ZFPM1: variants seen among roughly 807,000 people sequenced by gnomAD.
ZFPM1 encodes zinc finger protein, FOG family member 1, also known as zinc finger protein ZFPM1.
In ZFPM1, 28 loss-of-function variants were observed where a neutral mutation model predicts 46.3. That is an observed-to-expected ratio of 0.60 (90% CI 0.45 to 0.83). The LOEUF is 0.83. ZFPM1 is among the 40% of genes least tolerant of loss of function. The probability of loss-of-function intolerance (pLI) is 0.00; values close to 1 mark genes in which losing one functional copy is unlikely to be tolerated. For synonymous variants in ZFPM1, 957 were observed against 675.9 expected (o/e 1.42, Z -6.45); for missense variants, 1,878 against 1,432.4 (o/e 1.31, Z -5.02).
At chr16:88,507,312 TC>T (rs955038608) in intron 3 of ZFPM1, among the ~76,000 whole-genome samples, 3 of 152,018 alleles carry the variant, frequency 2.0e-5, no homozygotes, top group African/African-American at 7.2e-5. Flanking sequence ...CAGCACCATG[TC>T]CCCGCCTCCA....
At chr16:88,499,334 TAGAC>T (rs1429549602) in intron 3 of ZFPM1, among the ~76,000 whole-genome samples, 2 of 152,218 alleles carry the variant, frequency 1.3e-5, no homozygotes, top group Non-Finnish European at 2.9e-5. Context: ...AGCCCTGTGA[TAGAC>T]AGGGGGATGC....
chr16:88,520,415 G>A (rs546310742), intron 4 of ZFPM1, among the ~76,000 whole-genome samples: 1 of 150,684 alleles, frequency 6.6e-6, no homozygotes, highest in Admixed American at 6.6e-5. Context: ...AAATGAGTGG[G>A]TGAATGGGTG....
In ZFPM1 at chr16:88,532,945, C is replaced by T; in HGVS notation, c.1189+10C>T. On this transcript the variant is annotated intron_variant, in intron 9 of 9. Transcript: ENST00000319555. ...ACCAAGCTGCCCCCAGGTGAGCAGC[C>T]CTGTGGGGGCCACCCCTGCCCCTTA... is the stretch of plus-strand genomic sequence containing the variant. The T allele has an allele frequency of 1.2e-6, 2 of 1,612,628 alleles. No homozygotes were observed. The highest frequency in any genetic ancestry group is 1.7e-6 in the Non-Finnish European group (2 of 1,179,842).
At chr16:88,502,039 C>T (rs1019863628) in intron 3 of ZFPM1, among the ~76,000 whole-genome samples, 1 of 148,004 alleles carries the variant, frequency 6.8e-6, no homozygotes, top group African/African-American at 2.5e-5. Context: ...TCCTCCACCC[C>T]CGACGCGGCT....
Position 88,470,406 on chromosome 16 carries a change from G to A in ZFPM1, c.41-15533G>A, listed in dbSNP as rs141237472. Among the ~76,000 whole-genome samples, 582 of 152,348 alleles carry A rather than the reference G, an allele frequency of 3.8e-3. 4 individuals are homozygous for A. Among genetic ancestry groups the A allele is most frequent in the African/African-American group, 0.013 (525 of 41,566 alleles). On this transcript the variant is annotated intron_variant, in intron 1 of 9. Transcript: ENST00000319555. The stretch of plus-strand genomic sequence containing the variant: ...TGACCTCATGGAACCCCAGCCTAAC[G>A]AGGGAGAGTGAACACAGGGGTCTGA...
chr16:88,486,473 G>C (rs1055096102), intron 2 of ZFPM1, among the ~76,000 whole-genome samples: 3 of 151,920 alleles, frequency 2.0e-5, no homozygotes, highest in African/African-American at 7.3e-5. Flanking sequence ...CTGGGTGCAA[G>C]TGGGTGCTGG....
At chr16:88,462,323 C>T (rs563916363) in intron 1 of ZFPM1, among the ~76,000 whole-genome samples, 2 of 152,240 alleles carry the variant, frequency 1.3e-5, no homozygotes, top group South Asian at 2.1e-4. Context: ...GAAGTGAGCC[C>T]GGCGTGCTGA....
chr16:88,488,926 T>G, intron 2 of ZFPM1, 105 bp from the exon 3 acceptor site: 1 of 1,486,724 alleles, frequency 6.7e-7, no homozygotes, highest in Non-Finnish European at 9.0e-7. Context: ...GGGCCCGAGC[T>G]CCCCAACCCG....
chr16:88,507,182 A>G (rs1040467642), intron 3 of ZFPM1, among the ~76,000 whole-genome samples: 1 of 152,156 alleles, frequency 6.6e-6, no homozygotes, highest in African/African-American at 2.4e-5. Flanking sequence ...CGACTCTCCC[A>G]TGCCACTTGC....
At position 88,535,103 on chromosome 16, in the gene ZFPM1, G is replaced by T; in HGVS notation, c.*124G>T. On this transcript the variant is annotated 3_prime_UTR_variant, in exon 10 of 10. Transcript: ENST00000319555. Reference sequence around the variant, plus strand: ...CCACGCACAGGCCTCGGCGGAGGGGGCCGCAGGGGGCAGCGCCCGCCTGGA... The same window carrying T: ...CCACGCACAGGCCTCGGCGGAGGGGTCCGCAGGGGGCAGCGCCCGCCTGGA... 8.2e-7 allele frequency: 1 copy of T among 1,216,018 alleles called. No individual in the cohort carries two copies. The highest frequency in any genetic ancestry group is 1.1e-6 in the Non-Finnish European group (1 of 943,470). The allele number at this position is 1,216,018 out of a possible 1,614,324, so 75.3% of individuals were successfully genotyped here. A position where few individuals can be genotyped will look rare whatever the true frequency, so the allele number is the denominator to read the frequency against.
At chr16:88,531,615 G>A (rs181884122) in intron 6 of ZFPM1, among the ~76,000 whole-genome samples, 12 of 152,278 alleles carry the variant, frequency 7.9e-5, no homozygotes, top group East Asian at 5.8e-4. Context: ...GTACACACAC[G>A]TTTCCTCTTC....
chr16:88,520,518 A>G (rs955121847), intron 4 of ZFPM1, among the ~76,000 whole-genome samples: 1 of 143,692 alleles, frequency 7.0e-6, no homozygotes, highest in Non-Finnish European at 1.5e-5. Flanking sequence ...GGATAGATGA[A>G]TGGATGAATG....
At chr16:88,462,391 C>T (rs1172724338) in intron 1 of ZFPM1, among the ~76,000 whole-genome samples, 2 of 152,238 alleles carry the variant, frequency 1.3e-5, no homozygotes, top group Non-Finnish European at 2.9e-5. Flanking sequence ...CTCCAGACAC[C>T]ACTTAGCTTT....
At chr16:88,526,066 G>A (rs1435042918) in intron 4 of ZFPM1, among the ~76,000 whole-genome samples, 2 of 152,196 alleles carry the variant, frequency 1.3e-5, no homozygotes, top group African/African-American at 4.8e-5. Context: ...GGCCAGGGGG[G>A]CCAGGGCCGA....
At chr16:88,478,175 C>T (rs987496111) in intron 1 of ZFPM1, among the ~76,000 whole-genome samples, 7 of 147,068 alleles carry the variant, frequency 4.8e-5, no homozygotes, top group African/African-American at 7.4e-5. Context: ...AGGCACAGCC[C>T]GGGTGGTGGG....
Position 88,532,152 on chromosome 16 carries a change from A to C in ZFPM1, c.863A>C (p.Asn288Thr). 6.2e-7 allele frequency: 1 copy of C among 1,612,524 alleles called. No homozygotes were observed. Among genetic ancestry groups the C allele is most frequent in the Non-Finnish European group, 8.5e-7 (1 of 1,179,770 alleles). Reference sequence around the variant, plus strand: ...GAGAAGCCCAAAGAGACCTACCCCAACGAGCGCGTCTGCCCCTTCCCCCAG... The same window carrying C: ...GAGAAGCCCAAAGAGACCTACCCCACCGAGCGCGTCTGCCCCTTCCCCCAG... Reference protein sequence around the residue: ...TDEKPKETYPNERVCPFPQCR... With the variant: ...TDEKPKETYPTERVCPFPQCR... The change falls in exon 7 of 10, where the codon AAC becomes ACC. Residue 288 changes from asparagine (N) to threonine (T), a missense_variant. By Grantham distance (65) the Asn-to-Thr change is moderately conservative (BLOSUM62 0). Transcript: ENST00000319555.
intron 1 of ZFPM1, among the ~76,000 whole-genome samples, chr16:88,483,024 G>A (rs1909025841): frequency 6.6e-6 from 1 of 152,148 alleles, no homozygotes; most frequent in Non-Finnish European, 1.5e-5. Flanking sequence ...GGCAGGAGTT[G>A]AACCGGTCAG....
chr16:88,510,607 G>A (rs549323481), intron 3 of ZFPM1, among the ~76,000 whole-genome samples: 9 of 152,322 alleles, frequency 5.9e-5, no homozygotes, highest in African/African-American at 2.2e-4. Context: ...TGCTGTGCCT[G>A]TAGTGGCGGC....
intron 4 of ZFPM1, among the ~76,000 whole-genome samples, chr16:88,525,902 G>A (rs1367744689): frequency 6.6e-6 from 1 of 152,244 alleles, no homozygotes; most frequent in Non-Finnish European, 1.5e-5. Flanking sequence ...TCGGCCCAGA[G>A]TGTTTTCCTT....
Sources: allele counts gnomAD v4.1 joint callset (sites outside exome capture counted in the v4.1 genomes callset), GRCh38; gene constraint gnomAD v4.1.1; transcripts MANE v1.5; gene names NCBI Gene and HGNC (gene_info 2026-07-23, HGNC 2026-07-21).